SLC44A2: variants seen among roughly 807,000 people sequenced by gnomAD.
The protein encoded by SLC44A2 is choline transporter-like protein 2.
A neutral mutation model predicts 90.8 loss-of-function variants in SLC44A2; 57 were observed. The observed-to-expected ratio is 0.63, with a 90% CI of 0.51 to 0.78. SLC44A2 has a LOEUF of 0.78. Ranked by LOEUF, SLC44A2 falls within the 30% of genes least tolerant of loss-of-function variation. The pLI is 0.00. For missense variants in SLC44A2, 794 were observed against 919.7 expected (o/e 0.86, Z 1.77); for synonymous variants, 355 against 360.7 (o/e 0.98, Z 0.18).
chr19:10,630,194 A>AC lies in SLC44A2; in HGVS notation c.246-863_246-862insC, dbSNP rs1273417798. On this transcript the variant is annotated intron_variant, in intron 4 of 21. Transcript: ENST00000335757. Reference sequence around the variant, plus strand: ...GTGAAATTCTGTCGCTACCAATAATAGAAAAAATTAGCCAGGTGTGGTTGC... The same window carrying AC: ...GTGAAATTCTGTCGCTACCAATAATACGAAAAAATTAGCCAGGTGTGGTTGC... Among the ~76,000 whole-genome samples the AC allele has an allele frequency of 1.5e-3, 225 of 152,090 alleles. 1 individual carries two copies. The highest frequency in any genetic ancestry group is 5.1e-3 in the African/African-American group (212 of 41,492).
intron 4 of SLC44A2, among the ~76,000 whole-genome samples, 198 bp downstream of exon 4, chr19:10,628,202 T>C (rs1027955127): frequency 3.3e-5 from 5 of 152,014 alleles, no homozygotes; most frequent in South Asian, 2.1e-4. Context: ...CTGGCCAACA[T>C]GGCAAAACCC....
rs772955506 is a variant in SLC44A2 at position 10,618,958 on chromosome 19, CTTTTTTTT to C, written c.32-7279_32-7272del. ...TTCTACATGTATCATGTATACAATT[CTTTTTTTT>C]TTTTTTTTTTTTTTTGGATACAGGG... is the stretch of plus-strand genomic sequence containing the variant. On this transcript the variant is annotated intron_variant, in intron 1 of 21. Transcript: ENST00000407327. Among the ~76,000 whole-genome samples, 4 of 100,080 alleles carry C rather than the reference CTTTTTTTT, an allele frequency of 4.0e-5. No individual in the cohort carries two copies. The East Asian group carries it at 1.2e-3, about 30-fold the overall frequency. The allele number at this position is 100,080 out of a possible 152,430, so 65.7% of individuals were successfully genotyped here.
Position 10,636,590 on chromosome 19 carries a change from G to T in SLC44A2, c.1496+5G>T. Reference sequence around the variant, plus strand: ...TGCCTTTGGCCGGGCGCTCAGGTGGGCTGGCGTTGCAGGCAGGATGGGGTG... The same window carrying T: ...TGCCTTTGGCCGGGCGCTCAGGTGGTCTGGCGTTGCAGGCAGGATGGGGTG... On this transcript the variant is annotated splice_donor_5th_base_variant and intron_variant, in intron 15 of 21. Coordinates refer to ENST00000335757, the MANE Select transcript of SLC44A2 (RefSeq NM_020428.4). 1 of 1,603,980 alleles carries T rather than the reference G, an allele frequency of 6.2e-7. No individual in the cohort carries two copies. Among genetic ancestry groups the T allele is most frequent in the Non-Finnish European group, 8.5e-7 (1 of 1,176,096 alleles).
chr19:10,621,194 A>G (rs1205793029), upstream of SLC44A2, among the ~76,000 whole-genome samples: 1 of 151,816 alleles, frequency 6.6e-6, no homozygotes, highest in African/African-American at 2.4e-5. Flanking sequence ...GCTACTAAAA[A>G]TACAAAAATC....
chr19:10,614,751 A>G (rs1014452680), intron 1 of SLC44A2, among the ~76,000 whole-genome samples: 2 of 151,906 alleles, frequency 1.3e-5, no homozygotes, highest in African/African-American at 4.8e-5. Context: ...CGGGCGGATC[A>G]CCCGAGGTCA....
intron 20 of SLC44A2, among the ~76,000 whole-genome samples, chr19:10,640,691 T>C (rs767524044): frequency 1.3e-5 from 2 of 152,176 alleles, no homozygotes; most frequent in Non-Finnish European, 2.9e-5. Context: ...GGACTGGGTC[T>C]AGTGAGGATG....
intron 10 of SLC44A2, among the ~76,000 whole-genome samples, chr19:10,633,973 A>ATTT (rs1406434263): frequency 1.9e-5 from 2 of 107,946 alleles, no homozygotes; most frequent in African/African-American, 7.7e-5. Context: ...CCCCATCTCT[A>ATTT]TTTTTTTTTT....
At position 10,635,882 on chromosome 19, in the gene SLC44A2, G is replaced by A. The variant is rs562516397; in HGVS notation, c.1233+367G>A. 19 of 239,064 alleles carry A rather than the reference G, an allele frequency of 7.9e-5. 1 individual carries two copies. In the East Asian group the frequency reaches 1.7e-3, roughly 22 times the overall value. 14.8% of individuals were successfully genotyped at this position (239,064 alleles called of 1,614,324 possible). ...CAACTTCCAACTCCCTGGTTCAAGC[G>A]ATTCTCCTGCCTCAGCCTCCCGAGT... On this transcript the variant is annotated intron_variant, in intron 14 of 21. Coordinates refer to ENST00000335757, the MANE Select transcript of SLC44A2 (RefSeq NM_020428.4).
chr19:10,615,948 G>C (rs1012146235), intron 1 of SLC44A2, among the ~76,000 whole-genome samples: 1 of 151,852 alleles, frequency 6.6e-6, no homozygotes, highest in African/African-American at 2.4e-5. Context: ...GATTGCCTGA[G>C]CCAAGGATTT....
intron 1 of SLC44A2, among the ~76,000 whole-genome samples, chr19:10,614,390 A>C (rs1050757355): frequency 6.6e-5 from 10 of 151,976 alleles, no homozygotes; most frequent in African/African-American, 2.4e-4. Flanking sequence ...TGAAATTAGA[A>C]ATCTGTGTAT....
At chr19:10,642,524 C>T (rs1203357214) in intron 21 of SLC44A2, 73 bp downstream of exon 21, 1 of 1,387,792 alleles carries the variant, frequency 7.2e-7, no homozygotes, top group Non-Finnish European at 1.0e-6. Flanking sequence ...CATCACCCTC[C>T]AACGGGGCAA....
In SLC44A2 at chr19:10,636,723, G is replaced by T; in HGVS notation, c.1558G>T (p.Val520Leu). 6.2e-7 allele frequency: 1 copy of T among 1,614,048 alleles called. No homozygotes were observed. The highest frequency in any genetic ancestry group is 8.5e-7 in the Non-Finnish European group (1 of 1,179,976). ...CCTGGCCATTGTGCAGATCATCCGT[G>T]TGATACTCGAGTACCTGGATCAGCG... Reference protein sequence around the residue: ...LILAIVQIIRVILEYLDQRLK... With the variant: ...LILAIVQIIRLILEYLDQRLK... The change falls in exon 16 of 22, where the codon GTG becomes TTG. Residue 520 changes from valine to leucine, a missense_variant. Physicochemically the swap from Val to Leu is conservative, Grantham distance 32 (BLOSUM62 1). Transcript: ENST00000335757.
intron 1 of SLC44A2, 81 bp from the exon 2 acceptor site, chr19:10,626,172 G>A: frequency 2.6e-6 from 3 of 1,149,728 alleles, no homozygotes; most frequent in African/African-American, 1.5e-5. Context: ...ACACCCCTAG[G>A]GGCTTTTGGG....
intron 4 of SLC44A2, among the ~76,000 whole-genome samples, chr19:10,630,578 T>C (rs1406909533): frequency 6.6e-6 from 1 of 150,626 alleles, no homozygotes; most frequent in African/African-American, 2.4e-5. Flanking sequence ...GGAGAATTGC[T>C]TGAACCCAGG....
At position 10,627,926 on chromosome 19, in the gene SLC44A2, C is replaced by T. The variant is rs1378431805; in HGVS notation, c.167C>T (p.Thr56Ile). Residue 56 changes from threonine to isoleucine, a missense_variant, in exon 4 of 22, where the codon ACT (threonine) becomes ATT (isoleucine). Coordinates refer to ENST00000335757, the MANE Select transcript of SLC44A2 (RefSeq NM_020428.4). The part of the protein sequence containing the change: ...GYVAVGIIAW[T>I]HGDPRKVIYP... ...TCCCTGGATCTTTCCACAGCCTGGA[C>T]TCATGGAGACCCTCGAAAGGTGATC... 1 of 1,613,982 alleles carries T rather than the reference C, an allele frequency of 6.2e-7. No individual in the cohort carries two copies. Among genetic ancestry groups the T allele is most frequent in the South Asian group, 1.1e-5 (1 of 91,072 alleles).
chr19:10,622,524 G>A (rs558096941), upstream of SLC44A2, among the ~76,000 whole-genome samples: 9 of 152,084 alleles, frequency 5.9e-5, no homozygotes, highest in Admixed American at 4.6e-4. Flanking sequence ...TAGCTCTGAA[G>A]GCAAAACTGA....
At chr19:10,625,393 T>G, upstream of SLC44A2, 1 of 1,103,240 alleles carries the variant, frequency 9.1e-7, no homozygotes, top group Non-Finnish European at 1.1e-6. Flanking sequence ...CGGGGAAGGC[T>G]AAATGCGGCC....
At chr19:10,634,267 C>A (rs1449572561) in intron 10 of SLC44A2, among the ~76,000 whole-genome samples, 4 of 147,390 alleles carry the variant, frequency 2.7e-5, no homozygotes, top group African/African-American at 5.0e-5. Flanking sequence ...GGATTACAGG[C>A]GTGAGCCACC....
intron 1 of SLC44A2, among the ~76,000 whole-genome samples, chr19:10,615,670 C>G (rs895096111): frequency 9.2e-5 from 14 of 151,742 alleles, no homozygotes; most frequent in African/African-American, 3.1e-4. Flanking sequence ...GTAACAGAGG[C>G]AGAAGAAAAA....
Sources: gnomAD v4.1 joint callset for allele counts (sites outside exome capture counted in the v4.1 genomes callset) on GRCh38, gnomAD v4.1.1 for gene constraint, MANE v1.5 for transcripts, NCBI Gene and HGNC (gene_info 2026-07-23, HGNC 2026-07-21) for gene names.